Variants in MIB1 observed in about 807,000 individuals in gnomAD.
The protein encoded by MIB1 is MIB E3 ubiquitin protein ligase 1.
In MIB1, 278 loss-of-function variants were observed where a neutral mutation model predicts 124.5. That is an observed-to-expected ratio of 2.23 (90% confidence interval 2.02 to 2.47). The LOEUF is 2.47. MIB1 is among the 30% of genes most tolerant of loss of function. The pLI is 0.00. For missense variants in MIB1, 957 were observed against 1,254.4 expected, an observed-to-expected ratio of 0.76 and a Z score of 3.58; for synonymous variants, 446 against 429.4, an observed-to-expected ratio of 1.04 and a Z score of -0.48.
At chr18:21,784,050 C>CTTTTTTTTTTTTTTTTTTTTT (rs1175848884) in intron 6 of MIB1, among the ~76,000 whole-genome samples, 1 of 132,738 alleles carries the variant, frequency 7.5e-6, no homozygotes. Context: ...GCCTGTGTTG[C>CTTTTTTTTTTTTTTTTTTTTT]TTTTTTTTTT....
chr18:21,720,718 A>T (rs2040710583), intron 1 of MIB1, among the ~76,000 whole-genome samples: 1 of 152,082 alleles, frequency 6.6e-6, no homozygotes, highest in African/African-American at 2.4e-5. Flanking sequence ...GGAGGCTGAG[A>T]GGGGTAAATT....
intron 6 of MIB1, among the ~76,000 whole-genome samples, chr18:21,788,133 G>A (rs2041458491): frequency 1.3e-5 from 2 of 152,136 alleles, no homozygotes; most frequent in African/African-American, 2.4e-5. Context: ...TTGGAGGCTA[G>A]GGATGTCTTT....
At chr18:21,804,354 T>G (rs2146460172) in intron 10 of MIB1, among the ~76,000 whole-genome samples, 1 of 152,374 alleles carries the variant, frequency 6.6e-6, no homozygotes, top group Admixed American at 6.5e-5. Context: ...TCAGAATCTT[T>G]CCTGATCTCT....
At chr18:21,766,798 G>A (rs1449597172) in intron 2 of MIB1, among the ~76,000 whole-genome samples, 3 of 152,154 alleles carry the variant, frequency 2.0e-5, no homozygotes, top group Non-Finnish European at 2.9e-5. Flanking sequence ...AGCACTTTGG[G>A]AAGCCTGAGG....
At chr18:21,811,949 C>G (rs1485941643) in intron 10 of MIB1, among the ~76,000 whole-genome samples, 1 of 152,192 alleles carries the variant, frequency 6.6e-6, no homozygotes, top group South Asian at 2.1e-4. Flanking sequence ...ATTCAACACC[C>G]ATTTTTATTC....
At position 21,819,414 on chromosome 18, in the gene MIB1, T is replaced by G. The variant is rs1427950793; in HGVS notation, c.1678-81T>G. 1.6e-5 allele frequency: 13 copies of G among 829,614 alleles called. No homozygotes were observed. In the East Asian group the frequency reaches 3.5e-4, roughly 22 times the overall value. The allele number at this position is 829,614 out of a possible 1,614,324, so 51.4% of individuals were successfully genotyped here. ...TGTTGGATGTGGTCTCTGCTTCTGT[T>G]TGCTTAGCATTTGGTGTAAGTATTA... On this transcript the variant is annotated intron_variant, in intron 11 of 20. Transcript: ENST00000261537.
At chr18:21,766,534 T>G (rs1049690825) in intron 2 of MIB1, among the ~76,000 whole-genome samples, 1 of 152,162 alleles carries the variant, frequency 6.6e-6, no homozygotes, top group Non-Finnish European at 1.5e-5. Flanking sequence ...TAATGGGATC[T>G]TCTCATGTAG....
intron 1 of MIB1, among the ~76,000 whole-genome samples, chr18:21,735,127 C>G (rs2040790378): frequency 6.6e-6 from 1 of 152,198 alleles, no homozygotes; most frequent in Non-Finnish European, 1.5e-5. Context: ...CTCCCGTCTG[C>G]AGCTCCCAGC....
intron 2 of MIB1, among the ~76,000 whole-genome samples, chr18:21,767,652 A>G (rs566876116): frequency 2.0e-5 from 3 of 152,046 alleles, no homozygotes; most frequent in Admixed American, 6.5e-5. Context: ...GGTTCACGCC[A>G]TTCTCCTGCC....
intron 10 of MIB1, 137 bp downstream of exon 10, chr18:21,804,151 C>G: frequency 1.5e-6 from 1 of 648,344 alleles, no homozygotes. Flanking sequence ...AAAAATCTGA[C>G]AGAGGCAACT....
At chr18:21,734,856 T>C (rs1417091280) in intron 1 of MIB1, among the ~76,000 whole-genome samples, 1 of 152,216 alleles carries the variant, frequency 6.6e-6, no homozygotes, top group Non-Finnish European at 1.5e-5. Context: ...TAATGTCTTA[T>C]CCTTCTTAGT....
At chr18:21,838,083 G>T (rs1405052615) in intron 12 of MIB1, among the ~76,000 whole-genome samples, 1 of 151,934 alleles carries the variant, frequency 6.6e-6, no homozygotes, top group African/African-American at 2.4e-5. Context: ...TTCCCAGATA[G>T]TAATAGTGTG....
At chr18:21,798,917 C>G (rs993191822) in intron 8 of MIB1, among the ~76,000 whole-genome samples, 6 of 152,016 alleles carry the variant, frequency 3.9e-5, no homozygotes, top group African/African-American at 1.4e-4. Flanking sequence ...CATAAAGTGA[C>G]TTCCAATTTT....
chr18:21,860,097 T>C (rs1383002540), intron 20 of MIB1, among the ~76,000 whole-genome samples: 1 of 101,722 alleles, frequency 9.8e-6, no homozygotes, highest in African/African-American at 3.9e-5. Flanking sequence ...GTTCTTTATG[T>C]CTTTTTTTTT....
intron 3 of MIB1, 30 bp from the exon 4 acceptor site, chr18:21,773,594 A>T: frequency 6.6e-7 from 1 of 1,518,962 alleles, no homozygotes; most frequent in Non-Finnish European, 9.0e-7. Flanking sequence ...CCCTTTAAAA[A>T]ACTTCTTTTC....
intron 12 of MIB1, among the ~76,000 whole-genome samples, chr18:21,821,022 C>T (rs529697484): frequency 2.2e-4 from 33 of 152,256 alleles, no homozygotes; most frequent in African/African-American, 7.5e-4. Flanking sequence ...GTTATCTTTG[C>T]TCTCTCACCA....
rs3017048 is a variant in MIB1 at position 21,765,971 on chromosome 18, C to T, written c.401+28C>T. 9,743 of 1,608,420 alleles carry T rather than the reference C, an allele frequency of 6.1e-3. 536 individuals are homozygous for T. In the African/African-American group the frequency reaches 0.11, roughly 19 times the overall value. The stretch of plus-strand genomic sequence containing the variant: ...AGGGAGAACCCTTTTCTTCTTCAAC[C>T]GAGGGTTTTTGTTTGTATTCAAGTT... On this transcript the variant is annotated intron_variant, in intron 2 of 20. Coordinates refer to ENST00000261537, the MANE Select transcript of MIB1 (RefSeq NM_020774.4).
chr18:21,795,626 A>G (rs192025421), intron 7 of MIB1, among the ~76,000 whole-genome samples: 3 of 151,960 alleles, frequency 2.0e-5, no homozygotes, highest in Admixed American at 2.0e-4. Context: ...ACGAAGTTAA[A>G]TTTAAAAAGG....
rs2041504709 is a variant in MIB1 at position 21,791,568 on chromosome 18, T to A, written c.1092+11T>A. On this transcript the variant is annotated intron_variant, in intron 7 of 20. Coordinates refer to ENST00000261537, the MANE Select transcript of MIB1 (RefSeq NM_020774.4). ...GAAGCGATGCTTCCAGTAAGTATGT[T>A]TAGAATAATTCTGGGCTAGAAATTA... 6.3e-7 allele frequency: 1 copy of A among 1,598,224 alleles called. No homozygotes were observed. The highest frequency in any genetic ancestry group is 1.3e-5 in the African/African-American group (1 of 74,666).
Sources: allele counts gnomAD v4.1 joint callset (sites outside exome capture counted in the v4.1 genomes callset), GRCh38; gene constraint gnomAD v4.1.1; transcripts MANE v1.5; gene names NCBI Gene and HGNC (gene_info 2026-07-23, HGNC 2026-07-21).